The following CHSY3 variants were observed in gnomAD, a reference collection of about 807,000 sequenced individuals.
The protein encoded by CHSY3 is chondroitin sulfate synthase 3.
A neutral mutation model predicts 67.2 loss-of-function variants in CHSY3; 35 were observed. That is an observed-to-expected ratio of 0.52 (90% confidence interval 0.40 to 0.69). CHSY3 has a LOEUF of 0.69. CHSY3 is among the 30% of genes least tolerant of loss of function. The pLI, the probability that CHSY3 is intolerant of heterozygous loss-of-function variation, is 0.00. For missense variants in CHSY3, 1,069 were observed against 1,138.5 expected (o/e 0.94, Z 0.88); for synonymous variants, 474 against 434.7 (o/e 1.09, Z -1.12).
intron 2 of CHSY3, among the ~76,000 whole-genome samples, chr5:130,176,375 G>C (rs1179726702): frequency 1.3e-5 from 2 of 152,214 alleles, no homozygotes; most frequent in African/African-American, 4.8e-5. Context: ...AGGATGTGGA[G>C]AAATAAGAAT....
intron 2 of CHSY3, among the ~76,000 whole-genome samples, chr5:129,962,945 G>A (rs1255642837): frequency 1.3e-5 from 2 of 152,046 alleles, no homozygotes; most frequent in East Asian, 3.9e-4. Context: ...CCAACTTGGG[G>A]GTCTTTGCGG....
intron 2 of CHSY3, among the ~76,000 whole-genome samples, chr5:130,132,610 C>T (rs1314809855): frequency 6.6e-6 from 1 of 152,156 alleles, no homozygotes; most frequent in Admixed American, 6.6e-5. Context: ...GTTTTAGCAA[C>T]TGGATCTGAT....
chr5:130,054,776 A>T (rs1765475575), intron 2 of CHSY3, among the ~76,000 whole-genome samples: 1 of 152,206 alleles, frequency 6.6e-6, no homozygotes, highest in African/African-American at 2.4e-5. Flanking sequence ...ATATTATATG[A>T]CTACTGAAAC....
chr5:130,068,607 A>G (rs1231217790), intron 2 of CHSY3, among the ~76,000 whole-genome samples: 4 of 152,176 alleles, frequency 2.6e-5, no homozygotes, highest in African/African-American at 9.6e-5. Flanking sequence ...CCCAAGCACA[A>G]AAGTGTGGTA....
At chr5:130,066,615 G>A (rs1366639065) in intron 2 of CHSY3, among the ~76,000 whole-genome samples, 1 of 152,040 alleles carries the variant, frequency 6.6e-6, no homozygotes, top group Admixed American at 6.6e-5. Context: ...CAGTCCTTAG[G>A]TTAGTAAAGC....
chr5:130,053,024 G>A (rs1188829800), intron 2 of CHSY3, among the ~76,000 whole-genome samples: 1 of 152,156 alleles, frequency 6.6e-6, no homozygotes, highest in Non-Finnish European at 1.5e-5. Context: ...GAACTGTTGA[G>A]TCAGTTGTAT....
At chr5:129,928,711 A>C (rs572855134) in intron 2 of CHSY3, among the ~76,000 whole-genome samples, 2 of 152,268 alleles carry the variant, frequency 1.3e-5, no homozygotes, top group South Asian at 4.1e-4. Context: ...CAATAATCTA[A>C]ATGAACATTT....
chr5:130,119,116 G>T (rs1767920846), intron 2 of CHSY3, among the ~76,000 whole-genome samples: 1 of 152,142 alleles, frequency 6.6e-6, no homozygotes, highest in South Asian at 2.1e-4. Context: ...CTAGATGAGG[G>T]TATCAAACCC....
chr5:130,058,542 A>C (rs1216251647), intron 2 of CHSY3, among the ~76,000 whole-genome samples: 1 of 152,148 alleles, frequency 6.6e-6, no homozygotes, highest in Non-Finnish European at 1.5e-5. Context: ...CAGGGGAATC[A>C]CTTGAACCCT....
At chr5:130,058,021 T>C (rs1765593078) in intron 2 of CHSY3, among the ~76,000 whole-genome samples, 1 of 152,174 alleles carries the variant, frequency 6.6e-6, no homozygotes, top group African/African-American at 2.4e-5. Flanking sequence ...ATTTGAGTCA[T>C]CATTTCTCTT....
chr5:130,063,460 T>C (rs1262817480), intron 2 of CHSY3, among the ~76,000 whole-genome samples: 1 of 152,150 alleles, frequency 6.6e-6, no homozygotes, highest in Non-Finnish European at 1.5e-5. Flanking sequence ...TATATTTGTG[T>C]CATAGTTTTA....
intron 2 of CHSY3, among the ~76,000 whole-genome samples, chr5:130,104,917 G>A (rs1010489859): frequency 7.9e-5 from 12 of 151,688 alleles, no homozygotes; most frequent in African/African-American, 2.9e-4. Flanking sequence ...TCTGAAAGGA[G>A]CCTGAGACTC....
intron 2 of CHSY3, among the ~76,000 whole-genome samples, chr5:130,018,801 C>T (rs772213288): frequency 1.1e-4 from 16 of 152,124 alleles, no homozygotes; most frequent in Non-Finnish European, 2.1e-4. Flanking sequence ...TGGGGGCAGA[C>T]CCCTCATGAA....
chr5:130,001,867 C>A, intron 2 of CHSY3: 1 of 923,642 alleles, frequency 1.1e-6, no homozygotes, highest in Non-Finnish European at 1.3e-6. Context: ...TAATATAATC[C>A]TGTGTGTAAC....
intron 2 of CHSY3, among the ~76,000 whole-genome samples, chr5:130,104,704 C>A (rs1206004529): frequency 6.6e-6 from 1 of 151,494 alleles, no homozygotes; most frequent in African/African-American, 2.4e-5. Context: ...GTTAATGTTT[C>A]GACTTGTTAA....
chr5:130,007,616 A>G (rs527868061), intron 2 of CHSY3, among the ~76,000 whole-genome samples: 2 of 152,310 alleles, frequency 1.3e-5, no homozygotes, highest in Admixed American at 1.3e-4. Context: ...CCCTGTGGAC[A>G]TTTAGGCTGG....
intron 2 of CHSY3, among the ~76,000 whole-genome samples, chr5:130,106,990 T>C (rs1767430154): frequency 6.6e-6 from 1 of 151,564 alleles, no homozygotes; most frequent in Non-Finnish European, 1.5e-5. Context: ...TGACATTTAA[T>C]TAACAATTCT....
chr5:130,170,744 T>C (rs1361522091), intron 2 of CHSY3, among the ~76,000 whole-genome samples: 1 of 152,214 alleles, frequency 6.6e-6, no homozygotes, highest in Non-Finnish European at 1.5e-5. Flanking sequence ...TTAGTGATGT[T>C]GACCATTGTT....
intron 2 of CHSY3, among the ~76,000 whole-genome samples, chr5:130,144,353 A>T: frequency 6.6e-6 from 1 of 152,144 alleles, no homozygotes; most frequent in East Asian, 1.9e-4. Context: ...CACAAAAATC[A>T]GTAGCATATC....
Sources: gnomAD v4.1 joint callset for allele counts (sites outside exome capture counted in the v4.1 genomes callset) on GRCh38, gnomAD v4.1.1 for gene constraint, MANE v1.5 for transcripts, NCBI Gene and HGNC (gene_info 2026-07-23, HGNC 2026-07-21) for gene names.